Variants in SPHKAP observed in about 807,000 individuals in gnomAD.
SPHKAP encodes A-kinase anchor protein SPHKAP.
SPHKAP carries 67 observed loss-of-function variants against 137.5 expected under a neutral mutation model. The observed-to-expected ratio is 0.49, with a 90% CI of 0.40 to 0.60. The LOEUF is 0.60. Ranked by LOEUF, SPHKAP falls within the 20% of genes least tolerant of loss-of-function variation. The pLI is 0.00. For missense variants in SPHKAP, 2,097 were observed against 2,069.3 expected (o/e 1.01, Z -0.26); for synonymous variants, 813 against 785.3 (o/e 1.04, Z -0.59).
Position 228,181,533 on chromosome 2 carries a change from C to T in SPHKAP, c.32+34G>A. On this transcript the variant is annotated intron_variant, in intron 1 of 11. Transcript: ENST00000392056. This position sits in a 1 kb window ranked among gnomAD's most constrained non-coding sequence, Gnocchi z 4.3. The stretch of plus-strand genomic sequence containing the variant: ...ACAACGCGGAACGGAGTTTGATCGA[C>T]ATGGTATTGGGCATAGAAAGAAGCG... 1 of 1,614,154 alleles carries T rather than the reference C, an allele frequency of 6.2e-7. No homozygotes were observed. Among genetic ancestry groups the T allele is most frequent in the South Asian group, 1.1e-5 (1 of 91,076 alleles).
At chr2:228,158,193 G>A (rs76762410) in intron 1 of SPHKAP, among the ~76,000 whole-genome samples, 19,998 of 152,144 alleles carry the variant, frequency 0.13, 1,340 homozygotes, top group East Asian at 0.2. Flanking sequence ...ATACATTCAA[G>A]CAACTCTAAT....
chr2:228,093,809 G>A (rs935629261), intron 3 of SPHKAP, among the ~76,000 whole-genome samples: 2 of 133,366 alleles, frequency 1.5e-5, no homozygotes, highest in African/African-American at 2.8e-5. Flanking sequence ...GCAGTGAGCC[G>A]AGATCACTCC....
intron 3 of SPHKAP, among the ~76,000 whole-genome samples, chr2:228,054,039 A>T (rs1696352881): frequency 6.6e-6 from 1 of 152,214 alleles, no homozygotes; most frequent in South Asian, 2.1e-4. Flanking sequence ...TTAAGCTAAT[A>T]CATTTTTCCT....
intron 3 of SPHKAP, among the ~76,000 whole-genome samples, chr2:228,077,471 G>C (rs140513311): frequency 5.0e-4 from 76 of 152,348 alleles, no homozygotes; most frequent in Non-Finnish European, 9.8e-4. Context: ...TGACCTGGAT[G>C]TGAGACATGG....
intron 7 of SPHKAP, among the ~76,000 whole-genome samples, chr2:228,016,060 T>A (rs143961026): frequency 4.6e-4 from 70 of 152,256 alleles, no homozygotes; most frequent in African/African-American, 1.6e-3. Flanking sequence ...AGGAATGATA[T>A]CTTACTTCTT....
At chr2:228,023,511 C>T (rs1226764806) in intron 5 of SPHKAP, among the ~76,000 whole-genome samples, 3 of 152,158 alleles carry the variant, frequency 2.0e-5, no homozygotes, top group Non-Finnish European at 4.4e-5. Flanking sequence ...ATCTGTGATC[C>T]CCCGAATGGA....
At chr2:228,157,623 G>A (rs981132528) in intron 1 of SPHKAP, among the ~76,000 whole-genome samples, 7 of 152,094 alleles carry the variant, frequency 4.6e-5, no homozygotes, top group Non-Finnish European at 1.5e-5. Flanking sequence ...GGGATTCTGA[G>A]TCTATTTGTC....
In SPHKAP at chr2:227,980,997, C is replaced by A. The variant is rs1692972937; in HGVS notation, c.*720G>T. 2.6e-5 allele frequency: 4 copies of A among 151,852 alleles called. No individual in the cohort carries two copies. The highest frequency in any genetic ancestry group is 2.6e-4 in the Admixed American group (4 of 15,208). The allele number at this position is 151,852 out of a possible 1,614,324, so 9.4% of individuals were successfully genotyped here. On this transcript the variant is annotated 3_prime_UTR_variant, in exon 12 of 12. Transcript: ENST00000392056. ...ATAAGAATTATGTAATCATGTTACA[C>A]AAGTAATACAGTGATGGAAACAAGA...
At chr2:228,157,981 G>T (rs1408317937) in intron 1 of SPHKAP, among the ~76,000 whole-genome samples, 1 of 152,338 alleles carries the variant, frequency 6.6e-6, no homozygotes, top group South Asian at 2.1e-4. Flanking sequence ...TGAGACCAAT[G>T]TGGAAATGCC....
intron 3 of SPHKAP, among the ~76,000 whole-genome samples, chr2:228,071,112 T>C (rs1379680616): frequency 6.6e-6 from 1 of 152,204 alleles, no homozygotes; most frequent in Admixed American, 6.5e-5. Flanking sequence ...CTGGTGTCTA[T>C]ATTTTTTATC....
intron 1 of SPHKAP, among the ~76,000 whole-genome samples, chr2:228,134,038 AAGGAAGGAAGAG>A (rs1699351498): frequency 6.6e-6 from 1 of 151,936 alleles, no homozygotes; most frequent in Admixed American, 6.6e-5. Flanking sequence ...AAAAGAAAGG[AAGGAAGGAAGAG>A]AGGAAGGAAG....
chr2:228,039,038 A>C (rs1191935062), intron 3 of SPHKAP, among the ~76,000 whole-genome samples: 1 of 152,240 alleles, frequency 6.6e-6, no homozygotes, highest in Non-Finnish European at 1.5e-5. Context: ...AATGTTGAGA[A>C]TCATAATTGG....
chr2:228,046,367 T>G (rs1696058800), intron 3 of SPHKAP, among the ~76,000 whole-genome samples: 1 of 150,538 alleles, frequency 6.6e-6, no homozygotes, highest in Admixed American at 6.6e-5. Flanking sequence ...TTCATCTAAT[T>G]TACTCCCTTG....
chr2:228,173,808 A>G (rs1700656710), intron 1 of SPHKAP, among the ~76,000 whole-genome samples: 1 of 152,242 alleles, frequency 6.6e-6, no homozygotes, highest in Non-Finnish European at 1.5e-5. Context: ...ATAGAAAAGC[A>G]ATACGATGCC....
chr2:228,023,788 G>T (rs1403874257), intron 5 of SPHKAP, among the ~76,000 whole-genome samples: 3 of 152,190 alleles, frequency 2.0e-5, no homozygotes, highest in Non-Finnish European at 2.9e-5. Flanking sequence ...TTCACACGGA[G>T]TTGATTCACT....
intron 3 of SPHKAP, among the ~76,000 whole-genome samples, chr2:228,058,541 G>A (rs143990103): frequency 5.9e-5 from 9 of 152,126 alleles, no homozygotes; most frequent in African/African-American, 1.9e-4. Flanking sequence ...CCCCGATCCC[G>A]CTGTTAACGT....
chr2:228,062,276 C>T (rs573733888), intron 3 of SPHKAP, among the ~76,000 whole-genome samples: 3 of 151,802 alleles, frequency 2.0e-5, no homozygotes, highest in Admixed American at 2.0e-4. Context: ...AGGGGGGTGC[C>T]ACCACACTTG....
At chr2:228,078,514 G>C (rs962813852) in intron 3 of SPHKAP, among the ~76,000 whole-genome samples, 8 of 151,858 alleles carry the variant, frequency 5.3e-5, no homozygotes, top group Non-Finnish European at 8.8e-5. Context: ...TAAATTAGTG[G>C]TGTGACTGTA....
chr2:228,131,418 A>T, intron 2 of SPHKAP: 1 of 417,714 alleles, frequency 2.4e-6, no homozygotes, highest in South Asian at 1.0e-4. Context: ...GGCTGGGAAA[A>T]TGAGGTAGTT....
Sources: allele counts gnomAD v4.1 joint callset (sites outside exome capture counted in the v4.1 genomes callset), GRCh38; gene constraint gnomAD v4.1.1; non-coding constraint Gnocchi (gnomAD v3.1); transcripts MANE v1.5; gene names NCBI Gene and HGNC (gene_info 2026-07-23, HGNC 2026-07-21).